The following PCDH15 variants were observed in gnomAD, a reference collection of about 807,000 sequenced individuals.
The protein encoded by PCDH15 is protocadherin related 15.
PCDH15 carries 129 observed loss-of-function variants against 178.5 expected under a neutral mutation model. The observed-to-expected ratio is 0.72, with a 90% confidence interval of 0.63 to 0.84. The LOEUF (loss-of-function observed/expected upper bound fraction) is 0.84, where lower values mean the gene tolerates loss of function less well. PCDH15 is among the 40% of genes least tolerant of loss of function. The pLI, the probability that PCDH15 is intolerant of heterozygous loss-of-function variation, is 0.00. For missense variants in PCDH15, 2,230 were observed against 2,099.9 expected, an observed-to-expected ratio of 1.06 and a Z score of -1.21; for synonymous variants, 800 against 732.0, an observed-to-expected ratio of 1.09 and a Z score of -1.50.
At chr10:55,027,760 T>C (rs1840511696) in intron 2 of PCDH15, among the ~76,000 whole-genome samples, 1 of 151,930 alleles carries the variant, frequency 6.6e-6, no homozygotes. Flanking sequence ...TAATTCTTGT[T>C]CAATTAGATT....
chr10:55,364,055 C>T (rs1025548864), intron 2 of PCDH15, among the ~76,000 whole-genome samples: 5 of 152,202 alleles, frequency 3.3e-5, no homozygotes, highest in Admixed American at 3.3e-4. Flanking sequence ...ATGCTGTTCT[C>T]ATGATAGTGA....
intron 5 of PCDH15, among the ~76,000 whole-genome samples, chr10:54,364,190 C>CA (rs1310778866): frequency 8.1e-6 from 1 of 122,714 alleles, no homozygotes; most frequent in African/African-American, 3.2e-5. Flanking sequence ...CCAGCCTGGG[C>CA]AAAAAAGAGC....
At chr10:55,420,459 C>A (rs1052425332) in intron 2 of PCDH15, among the ~76,000 whole-genome samples, 4 of 135,130 alleles carry the variant, frequency 3.0e-5, no homozygotes, top group African/African-American at 1.3e-4. Context: ...GTAGGTATTG[C>A]ATTTTTTTTC....
At chr10:54,113,120 C>T (rs964005617) in intron 15 of PCDH15, among the ~76,000 whole-genome samples, 2 of 152,086 alleles carry the variant, frequency 1.3e-5, no homozygotes, top group Non-Finnish European at 2.9e-5. Context: ...AGAGAATTTC[C>T]GGGAAGTTTG....
chr10:55,315,705 T>C (rs374745940), intron 1 of PCDH15, among the ~76,000 whole-genome samples: 2 of 152,192 alleles, frequency 1.3e-5, no homozygotes, highest in South Asian at 4.1e-4. Context: ...TAATGAAGTC[T>C]GCAAACTTTC....
At chr10:54,475,716 A>G (rs1218720570) in intron 3 of PCDH15, among the ~76,000 whole-genome samples, 1 of 151,850 alleles carries the variant, frequency 6.6e-6, no homozygotes, top group Non-Finnish European at 1.5e-5. Context: ...AGAGATTTCT[A>G]TTAGAAAACT....
chr10:53,993,721 G>T (rs1409572306), intron 21 of PCDH15, among the ~76,000 whole-genome samples: 1 of 152,124 alleles, frequency 6.6e-6, no homozygotes, highest in Non-Finnish European at 1.5e-5. Flanking sequence ...TTTTACTTAG[G>T]ATTCGTGTAG....
chr10:55,467,966 C>CAAAAAA lies in PCDH15; in HGVS notation c.-156+159653_-156+159658dup, dbSNP rs71463104. On this transcript the variant is annotated intron_variant, in intron 2 of 5. Transcript: ENST00000613346. ...TGGGCGATAGAGCCAGACTCCGTCT[C>CAAAAAA]AAAAAAAAAAAAAAAAAAAAAAAAA... Among the ~76,000 whole-genome samples the CAAAAAA allele has an allele frequency of 1.2e-3, 43 of 36,630 alleles. 2 individuals are homozygous for CAAAAAA. The highest frequency in any genetic ancestry group is 3.2e-3 in the African/African-American group (21 of 6,590). 24.0% of individuals were successfully genotyped at this position (36,630 alleles called of 152,430 possible). A position where few individuals can be genotyped will look rare whatever the true frequency, so the allele number is the denominator to read the frequency against.
chr10:54,506,759 A>G lies in PCDH15; in HGVS notation c.157+21053T>C, dbSNP rs1260591678. On this transcript the variant is annotated intron_variant, in intron 3 of 37. Coordinates refer to ENST00000644397, the MANE Select transcript of PCDH15 (RefSeq NM_001384140.1). ...GAAAGCCAATTATTAACTCATTAGT[A>G]TTCCGCAGCTTTACTTTCAAAGGGT... Among the ~76,000 whole-genome samples the G allele has an allele frequency of 2.0e-5, 3 of 152,058 alleles. No individual in the cohort carries two copies. The East Asian group carries it at 5.8e-4, about 29-fold the overall frequency.
intron 3 of PCDH15, among the ~76,000 whole-genome samples, chr10:54,404,813 A>C (rs7904056): frequency 0.02 from 2,977 of 151,948 alleles, 103 homozygotes; most frequent in African/African-American, 0.066. Flanking sequence ...AAGGAAAAAA[A>C]CCATTAAAAA....
intron 2 of PCDH15, among the ~76,000 whole-genome samples, chr10:54,926,212 C>CT (rs1043606032): frequency 2.0e-5 from 3 of 151,890 alleles, no homozygotes; most frequent in East Asian, 3.9e-4. Context: ...AATCATGTGG[C>CT]TTTTTTCATT....
At chr10:55,105,458 T>C (rs987762210) in intron 2 of PCDH15, among the ~76,000 whole-genome samples, 2 of 152,166 alleles carry the variant, frequency 1.3e-5, no homozygotes, top group South Asian at 4.1e-4. Flanking sequence ...CTATGGCAAA[T>C]ACTAATACAA....
At chr10:53,835,972 T>C (rs2077282492) in intron 29 of PCDH15, among the ~76,000 whole-genome samples, 1 of 152,068 alleles carries the variant, frequency 6.6e-6, no homozygotes, top group Non-Finnish European at 1.5e-5. Context: ...GCAACCCTTG[T>C]GCAATTCCCC....
intron 23 of PCDH15, among the ~76,000 whole-genome samples, chr10:53,949,181 T>C (rs1564839068): frequency 6.6e-6 from 1 of 152,162 alleles, no homozygotes; most frequent in Non-Finnish European, 1.5e-5. Context: ...AGGGAACCTA[T>C]CAAAACTGTA....
intron 2 of PCDH15, among the ~76,000 whole-genome samples, chr10:55,117,629 T>C (rs368548882): frequency 1.3e-5 from 2 of 152,226 alleles, no homozygotes; most frequent in East Asian, 3.9e-4. Context: ...GACTCAATAT[T>C]CAGTCTGGAA....
intron 2 of PCDH15, among the ~76,000 whole-genome samples, chr10:55,443,129 A>G (rs1489733289): frequency 6.6e-6 from 1 of 152,176 alleles, no homozygotes; most frequent in Non-Finnish European, 1.5e-5. Context: ...CACCTTATAC[A>G]AAAATTAACT....
intron 37 of PCDH15, chr10:53,809,065 G>T: frequency 1.2e-6 from 2 of 1,612,996 alleles, no homozygotes; most frequent in African/African-American, 1.3e-5. Flanking sequence ...CCTTCTTCTT[G>T]CAAGCACAAT....
At chr10:55,603,542 T>C (rs2132148490) in intron 2 of PCDH15, among the ~76,000 whole-genome samples, 1 of 152,144 alleles carries the variant, frequency 6.6e-6, no homozygotes, top group South Asian at 2.1e-4. Context: ...TAACAGTGAA[T>C]CTCTCGGCAG....
chr10:55,525,598 T>C (rs1841286597), intron 2 of PCDH15, among the ~76,000 whole-genome samples: 1 of 151,934 alleles, frequency 6.6e-6, no homozygotes. Context: ...GTATTTCTTC[T>C]TGTAAGTTGA....
Sources: gnomAD v4.1 joint callset for allele counts (sites outside exome capture counted in the v4.1 genomes callset) on GRCh38, gnomAD v4.1.1 for gene constraint, MANE v1.5 for transcripts, NCBI Gene and HGNC (gene_info 2026-07-23, HGNC 2026-07-21) for gene names.